The following ARMCX4 variants were observed in gnomAD, a reference collection of about 807,000 sequenced individuals.
The protein encoded by ARMCX4 is armadillo repeat containing X-linked 4, also known as armadillo repeat-containing X-linked protein 4.
Under a neutral mutation model 34.7 loss-of-function variants are expected in ARMCX4, and 3 were observed. The ratio of observed to expected loss-of-function variants is 0.09; its 90% confidence interval spans 0.04 to 0.22. The LOEUF is 0.22. Among genes scored for constraint, ARMCX4 ranks in the 10% least tolerant of loss-of-function variants. The probability of loss-of-function intolerance (pLI) is 1.00; values close to 1 mark genes in which losing one functional copy is unlikely to be tolerated. For missense variants in ARMCX4, 1,448 were observed against 1,720.8 expected, an observed-to-expected ratio of 0.84 and a Z score of 2.81; for synonymous variants, 513 against 632.8, an observed-to-expected ratio of 0.81 and a Z score of 2.84.
At position 101,495,207 on chromosome X, in the gene ARMCX4, A is replaced by G. The variant is rs2147679706; in HGVS notation, c.6618A>G (p.Pro2206=). The G allele has an allele frequency of 8.7e-7, 1 of 1,148,835 alleles. No homozygotes were observed. The highest frequency in any genetic ancestry group is 1.2e-6 in the Non-Finnish European group (1 of 867,195). The allele number at this position is 1,148,835 out of a possible 1,213,427, so 94.7% of individuals were successfully genotyped here. The stretch of plus-strand genomic sequence containing the variant: ...AAGACTTGCTCATTGCCAATGCACC[A>G]ACATCACTGATTAACATTTTTAGCA... ...MTKDLLIANA[P]TSLINIFSKK... Residue 2206 remains proline, a synonymous_variant, in exon 6 of 6, where the codon CCA becomes CCG. Coordinates refer to ENST00000423738, the MANE Select transcript of ARMCX4 (RefSeq NM_001256155.3).
At chrX:101,465,897 T>C (rs1373015140) in intron 4 of ARMCX4, among the ~76,000 whole-genome samples, 3 of 112,119 alleles carry the variant, frequency 2.7e-5, no homozygotes, top group Non-Finnish European at 5.6e-5. Context: ...ATTAAAATTA[T>C]AAAATGTCTA....
intron 2 of ARMCX4, among the ~76,000 whole-genome samples, chrX:101,440,149 C>A (rs6616242): frequency 9.1e-6 from 1 of 109,872 alleles, no homozygotes; most frequent in African/African-American, 3.3e-5. Context: ...GTACAGATGG[C>A]GTTTTGGTGT....
intron 10 of ARMCX4, among the ~76,000 whole-genome samples, chrX:101,510,038 C>T (rs1934541308): frequency 8.9e-6 from 1 of 111,853 alleles, no homozygotes; most frequent in African/African-American, 3.2e-5. Context: ...CAACATTCTT[C>T]TTCCACTCAG....
chrX:101,491,955 C>T lies in ARMCX4; in HGVS notation c.3366C>T (p.Asp1122=). The change falls in exon 6 of 6, where the codon GAC becomes GAT. Residue 1122 remains aspartate (D), a synonymous_variant. Transcript: ENST00000423738. ...IKFRFQTMDG[D]WENSVSWADD... is the part of the protein sequence containing the mutation. Reference sequence around the variant, plus strand: ...TTAGGTTTCAGACCATGGATGGAGACTGGGAAAATAGCGTGTCCTGGGCTG... The same window carrying T: ...TTAGGTTTCAGACCATGGATGGAGATTGGGAAAATAGCGTGTCCTGGGCTG... The T allele has an allele frequency of 3.5e-6, 4 of 1,156,089 alleles. No individual in the cohort carries two copies. The highest frequency in any genetic ancestry group is 4.6e-6 in the Non-Finnish European group (4 of 872,755).
chrX:101,431,466 A>G (rs1929992387), intron 2 of ARMCX4, among the ~76,000 whole-genome samples: 1 of 112,472 alleles, frequency 8.9e-6, no homozygotes, highest in Non-Finnish European at 1.9e-5. Context: ...TCCTTCCCAG[A>G]AGTTTACAGT....
rs1933938643 is a variant in ARMCX4 at position 101,490,716 on chromosome X, G to A, written c.2127G>A (p.Gln709=). ...GAGTDTTGSV[Q]PQIVANSQGE... is the part of the protein sequence containing the mutation. ...GGACAGATACAACAGGCTCTGTCCA[G>A]CCCCAGATTGTGGCCAATTCCCAGG... is the stretch of plus-strand genomic sequence containing the variant. The change falls in exon 6 of 6, where the codon CAG becomes CAA. Residue 709 remains glutamine (Q), a synonymous_variant. Coordinates refer to ENST00000423738, the MANE Select transcript of ARMCX4 (RefSeq NM_001256155.3). 1.9e-5 allele frequency: 22 copies of A among 1,155,203 alleles called. No individual in the cohort carries two copies. Among genetic ancestry groups the A allele is most frequent in the Non-Finnish European group, 2.5e-5 (22 of 872,766 alleles).
At chrX:101,452,867 TTTA>T (rs10634734), downstream of ARMCX4, among the ~76,000 whole-genome samples, 5 of 102,155 alleles carry the variant, frequency 4.9e-5, no homozygotes, top group South Asian at 4.7e-4. Context: ...GGCTGTTTGT[TTTA>T]TTATTATTAT....
At chrX:101,535,176 T>C (rs1368112257), downstream of ARMCX4, among the ~76,000 whole-genome samples, 1 of 111,132 alleles carries the variant, frequency 9.0e-6, no homozygotes, top group Non-Finnish European at 1.9e-5. Context: ...TTGCTTTAAA[T>C]TGTGGGTAAT....
downstream of ARMCX4, among the ~76,000 whole-genome samples, chrX:101,448,808 G>C (rs782704012): frequency 5.4e-5 from 6 of 110,826 alleles, no homozygotes; most frequent in Non-Finnish European, 1.1e-4. Flanking sequence ...GGCCAGGTTG[G>C]TCTTGAACTC....
At position 101,434,254 on chromosome X, in the gene ARMCX4, C is replaced by CTT. The variant is rs140569758; in HGVS notation, n.165-9782_165-9781dup. On this transcript the variant is annotated intron_variant and non_coding_transcript_variant, in intron 2 of 3. Transcript: ENST00000430461. ...GAGCAATGTGCCTGGTTAGAGTATT[C>CTT]TTTTTTTTTTTTTTTTTGATATGGA... is the stretch of plus-strand genomic sequence containing the variant. Among the ~76,000 whole-genome samples, 452 of 89,229 alleles carry CTT rather than the reference C, an allele frequency of 5.1e-3. 6 individuals are homozygous for CTT. The highest frequency in any genetic ancestry group is 0.01 in the South Asian group (17 of 1,681). The allele number at this position is 89,229 out of a possible 115,157, so 77.5% of individuals were successfully genotyped here.
intron 4 of ARMCX4, among the ~76,000 whole-genome samples, chrX:101,479,371 T>C (rs1556004953): frequency 9.4e-6 from 1 of 106,263 alleles, no homozygotes; most frequent in African/African-American, 3.4e-5. Context: ...ATGACAATTT[T>C]CCTGAAGAGC....
At chrX:101,437,344 A>G (rs1195903168) in intron 2 of ARMCX4, among the ~76,000 whole-genome samples, 9 of 111,546 alleles carry the variant, frequency 8.1e-5, no homozygotes, top group African/African-American at 2.9e-4. Flanking sequence ...GTCTATTCAG[A>G]GATTCAACTC....
At chrX:101,455,559 A>G (rs2147595423) in intron 4 of ARMCX4, among the ~76,000 whole-genome samples, 1 of 112,334 alleles carries the variant, frequency 8.9e-6, no homozygotes, top group Admixed American at 9.5e-5. Context: ...CTTAAGAATT[A>G]CACAGCTATC....
At chrX:101,440,364 G>A (rs782759095) in intron 2 of ARMCX4, among the ~76,000 whole-genome samples, 13 of 111,496 alleles carry the variant, frequency 1.2e-4, no homozygotes, top group African/African-American at 2.6e-4. Context: ...GTACCCGGCC[G>A]TGTGAGGTGT....
At chrX:101,496,331 G>A (rs1934177123), downstream of ARMCX4, among the ~76,000 whole-genome samples, 1 of 110,357 alleles carries the variant, frequency 9.1e-6, no homozygotes, top group African/African-American at 3.3e-5. Flanking sequence ...AAGCTGGGGC[G>A]GGGATAGGAG....
intron 2 of ARMCX4, among the ~76,000 whole-genome samples, chrX:101,435,732 G>T (rs1930702209): frequency 2.7e-5 from 3 of 109,778 alleles, no homozygotes; most frequent in South Asian, 7.9e-4. Context: ...CCTATGTCCT[G>T]AATGGTATTG....
downstream of ARMCX4, chrX:101,498,088 G>T (rs1934219177): frequency 3.1e-6 from 1 of 318,014 alleles, no homozygotes; most frequent in Non-Finnish European, 6.1e-6. Flanking sequence ...GCCCCAAATT[G>T]GGACAGCTTA....
chrX:101,469,359 T>G (rs1932850933), intron 4 of ARMCX4, among the ~76,000 whole-genome samples: 1 of 111,779 alleles, frequency 8.9e-6, no homozygotes, highest in Non-Finnish European at 1.9e-5. Flanking sequence ...AATACAACAG[T>G]TAAAAGGATC....
chrX:101,495,111 G>A lies in ARMCX4; in HGVS notation c.6522G>A (p.Val2174=). ...CAGAATTTCTTCGTTTGTTAACGGTGGGAAGTGGAGAAACTAAAGACCATG... is the reference window on the plus strand; with the variant it reads ...CAGAATTTCTTCGTTTGTTAACGGTAGGAAGTGGAGAAACTAAAGACCATG... ...YISEFLRLLT[V]GSGETKDHVL... Residue 2174 remains valine (V), a synonymous_variant, in exon 6 of 6, where the codon GTG becomes GTA. Coordinates refer to ENST00000423738, the MANE Select transcript of ARMCX4 (RefSeq NM_001256155.3). 6 of 1,154,777 alleles carry A rather than the reference G, an allele frequency of 5.2e-6. No individual in the cohort carries two copies. The highest frequency in any genetic ancestry group is 6.9e-6 in the Non-Finnish European group (6 of 871,861).
Sources: gnomAD v4.1 joint callset for allele counts (sites outside exome capture counted in the v4.1 genomes callset) on GRCh38, gnomAD v4.1.1 for gene constraint, MANE v1.5 for transcripts, NCBI Gene and HGNC (gene_info 2026-07-23, HGNC 2026-07-21) for gene names.